The following SGCZ variants were observed in gnomAD, a reference collection of about 807,000 sequenced individuals.
The protein encoded by SGCZ is sarcoglycan zeta, also known as zeta-sarcoglycan.
Under a neutral mutation model 41.3 loss-of-function variants are expected in SGCZ, and 40 were observed. That is an observed-to-expected ratio of 0.97 (90% CI 0.75 to 1.26). The LOEUF is 1.26. Among genes scored for constraint, SGCZ ranks in the 50% most tolerant of loss-of-function variants. The pLI is 0.00. For synonymous variants in SGCZ, 206 were observed against 137.5 expected (o/e 1.50, Z -3.49); for missense variants, 552 against 369.8 (o/e 1.49, Z -4.04).
intron 1 of SGCZ, among the ~76,000 whole-genome samples, chr8:14,660,769 A>G (rs955900849): frequency 3.3e-5 from 5 of 151,964 alleles, no homozygotes; most frequent in African/African-American, 1.2e-4. Context: ...TCTCAAAATA[A>G]AGAAGAAACT....
chr8:15,138,234 T>C (rs1342594181), intron 1 of SGCZ, among the ~76,000 whole-genome samples: 2 of 152,236 alleles, frequency 1.3e-5, no homozygotes, highest in African/African-American at 4.8e-5. Context: ...ATGCCTGTAC[T>C]TCCATTGTAT....
intron 2 of SGCZ, among the ~76,000 whole-genome samples, chr8:14,388,052 G>C (rs1221446396): frequency 6.6e-6 from 1 of 152,056 alleles, no homozygotes; most frequent in Non-Finnish European, 1.5e-5. Flanking sequence ...ATGGTCTTTA[G>C]TAGGAGTAAG....
At chr8:14,326,572 G>T (rs900800278) in intron 2 of SGCZ, among the ~76,000 whole-genome samples, 2 of 152,124 alleles carry the variant, frequency 1.3e-5, no homozygotes, top group African/African-American at 4.8e-5. Flanking sequence ...ATTAAAATTA[G>T]GATGAGAGTG....
At chr8:14,146,786 G>C (rs1803534203) in intron 5 of SGCZ, among the ~76,000 whole-genome samples, 1 of 144,074 alleles carries the variant, frequency 6.9e-6, no homozygotes, top group Non-Finnish European at 1.5e-5. Flanking sequence ...GCAGGAGAAT[G>C]GCGTGAACCC....
intron 1 of SGCZ, among the ~76,000 whole-genome samples, chr8:15,121,224 C>A (rs1488375176): frequency 1.3e-5 from 2 of 152,070 alleles, no homozygotes; most frequent in Non-Finnish European, 2.9e-5. Flanking sequence ...TTTAAAAAAC[C>A]AGCATTGTCC....
chr8:15,203,826 T>C (rs1442364737), intron 1 of SGCZ, among the ~76,000 whole-genome samples: 1 of 152,136 alleles, frequency 6.6e-6, no homozygotes, highest in Non-Finnish European at 1.5e-5. Flanking sequence ...TAAAAATAAA[T>C]GAAATAACTA....
intron 1 of SGCZ, among the ~76,000 whole-genome samples, chr8:14,968,445 T>C (rs190211648): frequency 1.3e-3 from 203 of 152,226 alleles, no homozygotes; most frequent in Non-Finnish European, 1.1e-3. Flanking sequence ...CGGATCAACT[T>C]TGTTAACATT....
At chr8:14,159,954 A>C (rs1355009308) in intron 5 of SGCZ, among the ~76,000 whole-genome samples, 1 of 152,224 alleles carries the variant, frequency 6.6e-6, no homozygotes, top group Non-Finnish European at 1.5e-5. Context: ...TCTGTTGTCA[A>C]ACAGACATGG....
chr8:15,129,614 C>G (rs1807824403), intron 1 of SGCZ, among the ~76,000 whole-genome samples: 1 of 149,872 alleles, frequency 6.7e-6, no homozygotes, highest in Non-Finnish European at 1.5e-5. Flanking sequence ...GCTTGATAAC[C>G]AGCCATGCAT....
At chr8:15,191,277 T>C (rs1800529169) in intron 1 of SGCZ, among the ~76,000 whole-genome samples, 1 of 152,082 alleles carries the variant, frequency 6.6e-6, no homozygotes, top group African/African-American at 2.4e-5. Context: ...CATGATCTAG[T>C]CTGTATTCAA....
intron 1 of SGCZ, among the ~76,000 whole-genome samples, chr8:15,077,332 T>C (rs1805571649): frequency 6.6e-6 from 1 of 152,196 alleles, no homozygotes; most frequent in Non-Finnish European, 1.5e-5. Flanking sequence ...AATAAGTGCA[T>C]TTCATGTATT....
At chr8:14,213,161 C>A (rs989253738) in intron 4 of SGCZ, among the ~76,000 whole-genome samples, 3 of 152,016 alleles carry the variant, frequency 2.0e-5, no homozygotes, top group South Asian at 2.1e-4. Flanking sequence ...AAAGAATAGA[C>A]AAAATCTTTC....
At chr8:14,378,599 C>A (rs1410892470) in intron 2 of SGCZ, among the ~76,000 whole-genome samples, 4 of 151,924 alleles carry the variant, frequency 2.6e-5, no homozygotes, top group Admixed American at 2.6e-4. Flanking sequence ...AACAAACAAC[C>A]CCATCAAAAA....
intron 2 of SGCZ, among the ~76,000 whole-genome samples, chr8:14,550,100 A>C: frequency 6.6e-6 from 1 of 152,132 alleles, no homozygotes. Flanking sequence ...ATACAAGAAA[A>C]TTCGTAAGAT....
At chr8:14,276,322 G>T (rs951299339) in intron 3 of SGCZ, among the ~76,000 whole-genome samples, 1 of 152,096 alleles carries the variant, frequency 6.6e-6, no homozygotes, top group Non-Finnish European at 1.5e-5. Context: ...GCTTCTTAGG[G>T]ATCTTATAGC....
intron 1 of SGCZ, among the ~76,000 whole-genome samples, chr8:15,188,755 T>C (rs1800430965): frequency 1.3e-5 from 2 of 152,250 alleles, no homozygotes; most frequent in South Asian, 4.1e-4. Flanking sequence ...TATATTTGCA[T>C]TATTATTTGC....
intron 2 of SGCZ, among the ~76,000 whole-genome samples, chr8:14,336,214 G>C (rs1406937289): frequency 6.6e-6 from 1 of 152,146 alleles, no homozygotes; most frequent in East Asian, 1.9e-4. Flanking sequence ...ATGGCCTCTA[G>C]TTCCATCCAT....
At chr8:14,407,435 A>C (rs942905490) in intron 2 of SGCZ, among the ~76,000 whole-genome samples, 1 of 152,142 alleles carries the variant, frequency 6.6e-6, no homozygotes, top group South Asian at 2.1e-4. Flanking sequence ...TCATCCACCT[A>C]TGTGTTGGGT....
At chr8:14,104,674 G>A (rs957087004) in intron 6 of SGCZ, among the ~76,000 whole-genome samples, 2 of 152,010 alleles carry the variant, frequency 1.3e-5, no homozygotes, top group African/African-American at 4.8e-5. Context: ...CTTTATTGAG[G>A]AAATGTCTCA....
Sources: allele counts gnomAD v4.1 joint callset (sites outside exome capture counted in the v4.1 genomes callset), GRCh38; gene constraint gnomAD v4.1.1; transcripts MANE v1.5; gene names NCBI Gene and HGNC (gene_info 2026-07-23, HGNC 2026-07-21).